Variants in ULK4 observed in about 807,000 individuals in gnomAD.
ULK4 encodes the protein unc-51 like kinase 4, also known as inactive serine/threonine-protein kinase ULK4.
ULK4 carries 133 observed loss-of-function variants against 160.6 expected under a neutral mutation model. The ratio of observed to expected loss-of-function variants is 0.83; its 90% confidence interval spans 0.72 to 0.96. The LOEUF is 0.96. ULK4 is among the 40% of genes least tolerant of loss of function. ULK4 has a pLI of 0.00. For synonymous variants in ULK4, 534 were observed against 539.8 expected (o/e 0.99, Z 0.15); for missense variants, 1,580 against 1,499.5 (o/e 1.05, Z -0.89).
chr3:41,348,893 A>C (rs140408484), intron 35 of ULK4, among the ~76,000 whole-genome samples: 31 of 152,180 alleles, frequency 2.0e-4, no homozygotes, highest in Non-Finnish European at 4.3e-4. Flanking sequence ...GAGACTCAGA[A>C]AGCCCAGAGA....
chr3:41,959,527 AAAT>A (rs955926878), intron 1 of ULK4, among the ~76,000 whole-genome samples: 25 of 149,660 alleles, frequency 1.7e-4, no homozygotes, highest in Non-Finnish European at 2.4e-4. Context: ...ATATCAAAAA[AAAT>A]AATAATAATT....
At chr3:41,377,287 G>A (rs879918205) in intron 35 of ULK4, among the ~76,000 whole-genome samples, 5 of 152,082 alleles carry the variant, frequency 3.3e-5, no homozygotes, top group Non-Finnish European at 7.3e-5. Flanking sequence ...GAAAACCTAG[G>A]CATTACCATC....
chr3:41,644,494 T>C (rs150523185), intron 30 of ULK4, among the ~76,000 whole-genome samples: 4,339 of 152,318 alleles, frequency 0.028, 93 homozygotes, highest in Non-Finnish European at 0.041. Context: ...TTGGATTACA[T>C]TTATTGATTT....
At chr3:41,938,590 G>A (rs1469265021) in intron 2 of ULK4, among the ~76,000 whole-genome samples, 1 of 152,166 alleles carries the variant, frequency 6.6e-6, no homozygotes, top group Admixed American at 6.5e-5. Context: ...ACTAAGGCAG[G>A]AGAATTGCTT....
At chr3:41,294,230 GC>G (rs2079627041) in intron 35 of ULK4, among the ~76,000 whole-genome samples, 1 of 152,184 alleles carries the variant, frequency 6.6e-6, no homozygotes, top group East Asian at 1.9e-4. Flanking sequence ...GAGTGGGTTT[GC>G]TCTCTTCTGC....
chr3:41,272,051 G>A (rs2079146537), intron 35 of ULK4, among the ~76,000 whole-genome samples: 1 of 152,124 alleles, frequency 6.6e-6, no homozygotes, highest in African/African-American at 2.4e-5. Context: ...GGAGTAGCTG[G>A]AATTGCAGGC....
chr3:41,564,346 C>T lies in ULK4; in HGVS notation c.3226+1679G>A, dbSNP rs557343340. On this transcript the variant is annotated intron_variant, in intron 32 of 36. Coordinates refer to ENST00000301831, the MANE Select transcript of ULK4 (RefSeq NM_017886.4). ...TTAGGCTACAAGGGGGTCAGGGACC[C>T]ACTTGAGGAGGTAGTCCGTCCGTTC... Among the ~76,000 whole-genome samples the T allele has an allele frequency of 3.9e-5, 6 of 152,092 alleles. No homozygotes were observed. In the East Asian group the frequency reaches 5.8e-4, roughly 15 times the overall value.
At chr3:41,363,560 C>T (rs958656429) in intron 35 of ULK4, among the ~76,000 whole-genome samples, 2 of 152,132 alleles carry the variant, frequency 1.3e-5, no homozygotes, top group African/African-American at 4.8e-5. Context: ...TCTAGTTCAC[C>T]CAACACTGAA....
intron 18 of ULK4, among the ~76,000 whole-genome samples, chr3:41,826,211 A>G (rs2041346534): frequency 6.6e-6 from 1 of 152,258 alleles, no homozygotes; most frequent in Non-Finnish European, 1.5e-5. Context: ...AACATGCCAA[A>G]TTGTAAAGAC....
At chr3:41,733,822 C>G (rs1700234900) in intron 22 of ULK4, among the ~76,000 whole-genome samples, 2 of 150,182 alleles carry the variant, frequency 1.3e-5, no homozygotes, top group African/African-American at 4.9e-5. Context: ...GTAACCTCCA[C>G]CTCCCGGGTT....
At chr3:41,288,001 T>C (rs1156547149) in intron 35 of ULK4, among the ~76,000 whole-genome samples, 1 of 152,200 alleles carries the variant, frequency 6.6e-6, no homozygotes, top group African/African-American at 2.4e-5. Context: ...TTGGGTTAAA[T>C]GTCTTTAGAG....
At chr3:41,910,787 C>A (rs1049916362) in intron 11 of ULK4, among the ~76,000 whole-genome samples, 3 of 151,936 alleles carry the variant, frequency 2.0e-5, no homozygotes, top group Admixed American at 1.3e-4. Flanking sequence ...CTGAGCAACA[C>A]GGCAAAACAC....
At chr3:41,938,511 G>A (rs920391248) in intron 2 of ULK4, among the ~76,000 whole-genome samples, 2 of 152,002 alleles carry the variant, frequency 1.3e-5, no homozygotes, top group Admixed American at 6.6e-5. Flanking sequence ...GTGAAACCCC[G>A]TCTCTACTAA....
At position 41,823,346 on chromosome 3, in the gene ULK4, C is replaced by T. The variant is rs552668716; in HGVS notation, c.1765-3840G>A. On this transcript the variant is annotated intron_variant, in intron 18 of 36. Transcript: ENST00000301831. ...GTAGGAAGATAGTGAGGAATTAGGT[C>T]AGACAGGTTCTGAAGAGCCAGCCCA... Among the ~76,000 whole-genome samples, 152 of 152,232 alleles carry T rather than the reference C, an allele frequency of 1.0e-3. 1 individual carries two copies. Among genetic ancestry groups the T allele is most frequent in the African/African-American group, 3.5e-3 (145 of 41,550 alleles).
chr3:41,504,859 T>G (rs972802917), intron 32 of ULK4, among the ~76,000 whole-genome samples: 1 of 152,188 alleles, frequency 6.6e-6, no homozygotes, highest in African/African-American at 2.4e-5. Flanking sequence ...AGTTGTTGCT[T>G]TTTATGCATA....
At chr3:41,644,358 A>G (rs1339439071) in intron 30 of ULK4, among the ~76,000 whole-genome samples, 1 of 151,614 alleles carries the variant, frequency 6.6e-6, no homozygotes, top group Non-Finnish European at 1.5e-5. Context: ...TTATTTTGAG[A>G]TATGTCCCAT....
At chr3:41,322,339 C>G (rs1215356826) in intron 35 of ULK4, among the ~76,000 whole-genome samples, 8 of 152,122 alleles carry the variant, frequency 5.3e-5, no homozygotes, top group Admixed American at 2.0e-4. Context: ...GCCTCTAAAG[C>G]TTTTTTAATA....
At chr3:41,686,508 G>C (rs992517400) in intron 27 of ULK4, among the ~76,000 whole-genome samples, 1 of 152,130 alleles carries the variant, frequency 6.6e-6, no homozygotes, top group Non-Finnish European at 1.5e-5. Context: ...AAGATATTTA[G>C]AGTAACTTAC....
intron 22 of ULK4, among the ~76,000 whole-genome samples, chr3:41,744,011 G>A (rs1024538687): frequency 1.3e-5 from 2 of 151,842 alleles, no homozygotes; most frequent in African/African-American, 4.9e-5. Context: ...AACATATTAT[G>A]ACTAAGAGGC....
Sources: gnomAD v4.1 joint callset for allele counts (sites outside exome capture counted in the v4.1 genomes callset) on GRCh38, gnomAD v4.1.1 for gene constraint, MANE v1.5 for transcripts, NCBI Gene and HGNC (gene_info 2026-07-23, HGNC 2026-07-21) for gene names.